Variants in STX18 observed in about 807,000 individuals in gnomAD.
The protein encoded by STX18 is syntaxin 18.
A neutral mutation model predicts 50.1 loss-of-function variants in STX18; 40 were observed. The ratio of observed to expected loss-of-function variants is 0.80; its 90% CI spans 0.62 to 1.04. STX18 has a LOEUF of 1.04. Among genes scored for constraint, STX18 ranks in the 50% least tolerant of loss-of-function variants. The pLI is 0.00. For missense variants in STX18, 410 were observed against 415.8 expected, an observed-to-expected ratio of 0.99 and a Z score of 0.12; for synonymous variants, 158 against 151.8, an observed-to-expected ratio of 1.04 and a Z score of -0.30.
At chr4:4,504,723 C>T (rs1048109821) in intron 1 of STX18, among the ~76,000 whole-genome samples, 1 of 152,204 alleles carries the variant, frequency 6.6e-6, no homozygotes, top group African/African-American at 2.4e-5. Context: ...GCTTCATTAG[C>T]TATTAGAGAA....
intron 1 of STX18, among the ~76,000 whole-genome samples, chr4:4,526,803 CA>C (rs1359354718): frequency 2.8e-5 from 4 of 144,472 alleles, no homozygotes; most frequent in African/African-American, 5.1e-5. Context: ...ACTCTATCTC[CA>C]AAAAAAAAAT....
chr4:4,420,727 G>T lies in STX18; in HGVS notation c.912+137C>A. 1.3e-6 allele frequency: 1 copy of T among 762,366 alleles called. No homozygotes were observed. Among genetic ancestry groups the T allele is most frequent in the South Asian group, 1.6e-5 (1 of 60,966 alleles). The allele number at this position is 762,366 out of a possible 1,614,324, so 47.2% of individuals were successfully genotyped here. A position where few individuals can be genotyped will look rare whatever the true frequency, so the allele number is the denominator to read the frequency against. On this transcript the variant is annotated intron_variant, in intron 10 of 10. Transcript: ENST00000306200. This position sits in a 1 kb window ranked among gnomAD's most constrained non-coding sequence, Gnocchi z 4.3. ...GTCTCATGAACACACGCAGCTCCGC[G>T]GTCACACAATTTTGTGATCAGCCCC...
At chr4:4,453,405 A>G (rs1322366558) in intron 5 of STX18, among the ~76,000 whole-genome samples, 1 of 152,214 alleles carries the variant, frequency 6.6e-6, no homozygotes, top group Non-Finnish European at 1.5e-5. Flanking sequence ...GCCCTCTACC[A>G]ACAAAAAGAT....
chr4:4,518,446 T>C (rs1730377097), intron 1 of STX18, among the ~76,000 whole-genome samples: 1 of 152,222 alleles, frequency 6.6e-6, no homozygotes, highest in Non-Finnish European at 1.5e-5. Flanking sequence ...AAAGGGTGTA[T>C]ACAAACTGAG....
chr4:4,472,013 G>C (rs1727944106), intron 1 of STX18, among the ~76,000 whole-genome samples: 1 of 152,180 alleles, frequency 6.6e-6, no homozygotes, highest in Admixed American at 6.5e-5. Context: ...TGTTCAATAA[G>C]GTTAATTCCT....
chr4:4,514,593 G>C (rs1465921815), intron 1 of STX18, among the ~76,000 whole-genome samples: 1 of 152,204 alleles, frequency 6.6e-6, no homozygotes, highest in Non-Finnish European at 1.5e-5. Context: ...GCCAGGCACT[G>C]TGTTTTAAGC....
At chr4:4,437,159 A>C (rs1374302243) in intron 6 of STX18, among the ~76,000 whole-genome samples, 1 of 151,792 alleles carries the variant, frequency 6.6e-6, no homozygotes, top group Non-Finnish European at 1.5e-5. Context: ...GGGTTTTTCC[A>C]TGTTAGGCTG....
At chr4:4,440,744 C>T (rs997388635) in intron 5 of STX18, among the ~76,000 whole-genome samples, 3 of 152,162 alleles carry the variant, frequency 2.0e-5, no homozygotes, top group Non-Finnish European at 2.9e-5. Context: ...TGGTCCTCTA[C>T]AAAATTTAAC....
In STX18 at chr4:4,471,681, T is replaced by C. The variant is rs753261753; in HGVS notation, c.194A>G (p.Asp65Gly). ...ATCTTTCCTGTGTTCCAGAAGAAAA[T>C]CTCTCAGTTTGCCAATGTGAGAAAT... ...EVISHIGKLR[D>G]FLLEHRKDYI... is the part of the protein sequence containing the mutation. Residue 65 changes from aspartate to glycine, a missense_variant, in exon 2 of 11, where the codon GAT becomes GGT. Transcript: ENST00000306200. 3.2e-6 allele frequency: 5 copies of C among 1,586,328 alleles called. No homozygotes were observed. Among genetic ancestry groups the C allele is most frequent in the Non-Finnish European group, 3.4e-6 (4 of 1,172,642 alleles).
chr4:4,504,545 G>A (rs1011974995), intron 1 of STX18, among the ~76,000 whole-genome samples: 3 of 152,150 alleles, frequency 2.0e-5, no homozygotes, highest in African/African-American at 7.2e-5. Flanking sequence ...GGGAGACTAA[G>A]AGAAAATATT....
chr4:4,449,574 C>A (rs1726638412), intron 5 of STX18, among the ~76,000 whole-genome samples: 1 of 152,196 alleles, frequency 6.6e-6, no homozygotes, highest in African/African-American at 2.4e-5. Flanking sequence ...GGATTCAAGT[C>A]ATGCTTCTTT....
intron 1 of STX18, among the ~76,000 whole-genome samples, chr4:4,495,865 T>C (rs776804133): frequency 6.6e-6 from 1 of 152,080 alleles, no homozygotes; most frequent in Non-Finnish European, 1.5e-5. Context: ...AAATGCAAAA[T>C]AGAATAGCAG....
chr4:4,508,672 G>T (rs1300612144), intron 1 of STX18, among the ~76,000 whole-genome samples: 1 of 152,154 alleles, frequency 6.6e-6, no homozygotes, highest in Non-Finnish European at 1.5e-5. Context: ...GTTAAGCCCA[G>T]CATCCATTAA....
chr4:4,437,544 C>T (rs1343315664), intron 6 of STX18: 1 of 916,554 alleles, frequency 1.1e-6, no homozygotes, highest in Non-Finnish European at 1.3e-6. Context: ...CAAAACACTT[C>T]TGGTCCCAAG....
chr4:4,487,909 G>A (rs770065101), intron 1 of STX18, among the ~76,000 whole-genome samples: 12 of 152,016 alleles, frequency 7.9e-5, no homozygotes, highest in African/African-American at 2.9e-4. Flanking sequence ...CTCAACAAAT[G>A]TCTAGGAACA....
At chr4:4,475,702 G>A (rs1029402546) in intron 1 of STX18, among the ~76,000 whole-genome samples, 2 of 152,180 alleles carry the variant, frequency 1.3e-5, no homozygotes, top group African/African-American at 4.8e-5. Context: ...GGCAAAGACC[G>A]CATATTATAG....
chr4:4,542,111 C>A, upstream of STX18: 4 of 1,063,910 alleles, frequency 3.8e-6, no homozygotes, highest in Non-Finnish European at 5.1e-6. Flanking sequence ...CCGGCCTGCG[C>A]CCTGCTACCG....
At chr4:4,444,003 A>C (rs1726257094) in intron 5 of STX18, among the ~76,000 whole-genome samples, 1 of 152,184 alleles carries the variant, frequency 6.6e-6, no homozygotes, top group Non-Finnish European at 1.5e-5. Context: ...TTGTCTGATG[A>C]GAGTATCTTT....
intron 1 of STX18, among the ~76,000 whole-genome samples, chr4:4,497,301 C>T (rs1348730607): frequency 1.3e-5 from 2 of 152,218 alleles, no homozygotes. Flanking sequence ...GCACAGACTT[C>T]TGTTTTCTAA....
Sources: gnomAD v4.1 joint callset for allele counts (sites outside exome capture counted in the v4.1 genomes callset) on GRCh38, gnomAD v4.1.1 for gene constraint, Gnocchi (gnomAD v3.1) non-coding constraint, MANE v1.5 for transcripts, NCBI Gene and HGNC (gene_info 2026-07-23, HGNC 2026-07-21) for gene names.